ADAD1: variants seen among roughly 807,000 people sequenced by gnomAD.
ADAD1 encodes the protein adenosine deaminase domain containing 1.
ADAD1 carries 46 observed loss-of-function variants against 66.8 expected under a neutral mutation model. That is an observed-to-expected ratio of 0.69 (90% CI 0.54 to 0.88). The LOEUF (loss-of-function observed/expected upper bound fraction) is 0.88. ADAD1 is among the 40% of genes least tolerant of loss of function. The pLI, the probability that ADAD1 is intolerant of heterozygous loss-of-function variation, is 0.00. For synonymous variants in ADAD1, 248 were observed against 229.4 expected (o/e 1.08, Z -0.73); for missense variants, 617 against 681.8 (o/e 0.91, Z 1.06).
rs1796289860 is a variant in ADAD1, at chr4:122,407,912, A to G, written c.729A>G (p.Gly243=). The change falls in exon 8 of 13, where the codon GGA becomes GGG. Residue 243 remains glycine (G), a synonymous_variant. Transcript: ENST00000296513. ...CTGTCTACCTTTTTCTTTCAGCTGG[A>G]CAACATGAGGTTGTAGCTATAGGCA... ...SLAAFIIERA[G]QHEVVAIGTG... 6.2e-7 allele frequency: 1 copy of G among 1,612,696 alleles called. No homozygotes were observed. The highest frequency in any genetic ancestry group is 1.1e-5 in the South Asian group (1 of 90,800).
chr4:122,423,049 C>T (rs916600529), intron 12 of ADAD1, among the ~76,000 whole-genome samples: 5 of 151,620 alleles, frequency 3.3e-5, no homozygotes, highest in African/African-American at 1.2e-4. Context: ...ATGGCCTTGC[C>T]CAAGGCTTTT....
At position 122,429,662 on chromosome 4, in the gene ADAD1, T is replaced by C. The variant is rs764033872; in HGVS notation, c.1654T>C (p.Leu552=). Residue 552 remains leucine, a synonymous_variant, in exon 13 of 13, where the codon TTG becomes CTG. Transcript: ENST00000296513. ...CTCCTATCAAGAAGCTAAATGTAAG[T>C]TGAAATCCTACTTACAACAACATGG... ...SASYQEAKCK[L]KSYLQQHGYG... 6.2e-7 allele frequency: 1 copy of C among 1,613,560 alleles called. No homozygotes were observed. The highest frequency in any genetic ancestry group is 8.5e-7 in the Non-Finnish European group (1 of 1,179,662).
chr4:122,412,805 T>A lies in ADAD1; in HGVS notation c.1245T>A (p.Leu415=). 1 of 1,612,686 alleles carries A rather than the reference T, an allele frequency of 6.2e-7. No homozygotes were observed. The highest frequency in any genetic ancestry group is 8.5e-7 in the Non-Finnish European group (1 of 1,178,980). Residue 415 remains leucine (L), a synonymous_variant, in exon 10 of 13, where the codon CTT becomes CTA. Transcript: ENST00000296513. ...AGCCAGTTTACATCAGCAGTATACTTATTGGTGAGTGGGATTTCAGAACCT... is the reference window on the plus strand; with the variant it reads ...AGCCAGTTTACATCAGCAGTATACTAATTGGTGAGTGGGATTTCAGAACCT... The part of the protein sequence containing the change: ...FIQPVYISSI[L]IGDGNCSDTR...
At chr4:122,401,138 T>C (rs1033445231) in intron 7 of ADAD1, among the ~76,000 whole-genome samples, 1 of 152,112 alleles carries the variant, frequency 6.6e-6, no homozygotes. Flanking sequence ...AGGCATTTAA[T>C]GCTATGAACT....
chr4:122,429,513 AAAG>A, intron 12 of ADAD1, 110 bp from the exon 13 acceptor site: 1 of 613,186 alleles, frequency 1.6e-6, no homozygotes, highest in South Asian at 2.8e-5. Context: ...AGGAATTAAA[AAAG>A]ACTTTGATTA....
intron 8 of ADAD1, 82 bp downstream of exon 8, chr4:122,408,113 A>G: frequency 2.1e-6 from 3 of 1,400,202 alleles, no homozygotes; most frequent in Non-Finnish European, 1.9e-6. Flanking sequence ...TTCATTTACA[A>G]ATGGAATTTT....
Position 122,381,088 on chromosome 4 carries a change from A to G in ADAD1, c.269A>G (p.Tyr90Cys). The G allele has an allele frequency of 6.2e-7, 1 of 1,606,156 alleles. No homozygotes were observed. Among genetic ancestry groups the G allele is most frequent in the Non-Finnish European group, 8.5e-7 (1 of 1,178,552 alleles). Residue 90 changes from tyrosine (Y) to cysteine (C), a missense_variant, in exon 4 of 13, where the codon TAC (tyrosine) becomes TGC (cysteine). By Grantham distance (194) the Tyr-to-Cys change is radical. Transcript: ENST00000296513. The part of the protein sequence containing the change: ...KKIPKEFIMK[Y>C]KRGEINPVSA... ...ATACCTAAGGAATTTATAATGAAATACAAACGTGGAGAGATAAATCCTGTG... is the reference window on the plus strand; with the variant it reads ...ATACCTAAGGAATTTATAATGAAATGCAAACGTGGAGAGATAAATCCTGTG...
Position 122,415,521 on chromosome 4 carries a change from A to C in ADAD1, c.1392A>C (p.Gln464His), listed in dbSNP as rs777111131. 4 of 1,613,822 alleles carry C rather than the reference A, an allele frequency of 2.5e-6. No individual in the cohort carries two copies. In the African/African-American group the frequency reaches 4.0e-5, roughly 16 times the overall value. Residue 464 changes from glutamine to histidine, a missense_variant, in exon 11 of 13, where the codon CAA becomes CAC. Gln to His is a conservative substitution (Grantham distance 24). Transcript: ENST00000296513. ...ISLVPSAYPL[Q>H]MNLEYKFLSL... ...TAGTACCCTCTGCATATCCCCTTCAAATGAACTTGGAATATAAATTTCTGA... is the reference window on the plus strand; with the variant it reads ...TAGTACCCTCTGCATATCCCCTTCACATGAACTTGGAATATAAATTTCTGA...
chr4:122,426,234 C>T (rs1797229825), intron 12 of ADAD1, among the ~76,000 whole-genome samples: 1 of 152,068 alleles, frequency 6.6e-6, no homozygotes, highest in African/African-American at 2.4e-5. Context: ...TGTTTGTCAG[C>T]AGACACATTA....
At chr4:122,419,058 G>T (rs913553686) in intron 11 of ADAD1, among the ~76,000 whole-genome samples, 2 of 152,130 alleles carry the variant, frequency 1.3e-5, no homozygotes, top group African/African-American at 2.4e-5. Flanking sequence ...AAATCATTCT[G>T]TTATAAAGAC....
intron 10 of ADAD1, among the ~76,000 whole-genome samples, chr4:122,413,584 C>G (rs994790221): frequency 5.6e-4 from 85 of 151,940 alleles, no homozygotes; most frequent in African/African-American, 1.9e-3. Context: ...TATTTCCATC[C>G]AGAGGTCCTT....
chr4:122,389,578 C>G (rs1369830285), intron 5 of ADAD1, among the ~76,000 whole-genome samples: 1 of 152,192 alleles, frequency 6.6e-6, no homozygotes, highest in Non-Finnish European at 1.5e-5. Flanking sequence ...GTTAGCTCTT[C>G]TTGGTGAATT....
chr4:122,381,308 A>G (rs1794889455), intron 4 of ADAD1, 128 bp downstream of exon 4: 1 of 963,480 alleles, frequency 1.0e-6, no homozygotes, highest in Admixed American at 3.6e-5. Context: ...AAGAATACTT[A>G]AATGTTTATG....
chr4:122,413,115 A>G (rs560631044), intron 10 of ADAD1, among the ~76,000 whole-genome samples: 1 of 152,260 alleles, frequency 6.6e-6, no homozygotes, highest in East Asian at 1.9e-4. Flanking sequence ...TCAGAGACAC[A>G]GGGAAATGAG....
intron 5 of ADAD1, among the ~76,000 whole-genome samples, chr4:122,393,298 G>A (rs972044288): frequency 6.6e-6 from 1 of 151,978 alleles, no homozygotes; most frequent in African/African-American, 2.4e-5. Flanking sequence ...TTGTTTATAT[G>A]TATCTAAAAT....
intron 12 of ADAD1, among the ~76,000 whole-genome samples, chr4:122,427,390 T>C (rs1006170732): frequency 4.6e-5 from 7 of 152,130 alleles, no homozygotes; most frequent in Admixed American, 1.3e-4. Context: ...TCATCATGCA[T>C]TGGAAAACAG....
chr4:122,407,827 AATG>A, intron 7 of ADAD1, 78 bp from the exon 8 acceptor site: 1 of 1,374,918 alleles, frequency 7.3e-7, no homozygotes, highest in Non-Finnish European at 9.7e-7. Flanking sequence ...CTAAATTAAA[AATG>A]ATGAGATAGA....
chr4:122,419,642 G>GC (rs1796915690), intron 11 of ADAD1, among the ~76,000 whole-genome samples: 1 of 152,084 alleles, frequency 6.6e-6, no homozygotes, highest in African/African-American at 2.4e-5. Flanking sequence ...GAATTTAACA[G>GC]CACATTACAA....
intron 7 of ADAD1, among the ~76,000 whole-genome samples, chr4:122,398,404 A>G (rs1795816146): frequency 6.6e-6 from 1 of 151,806 alleles, no homozygotes; most frequent in African/African-American, 2.4e-5. Context: ...CTTGTTCCAT[A>G]TTTTTGCAGT....
Sources: allele counts gnomAD v4.1 joint callset (sites outside exome capture counted in the v4.1 genomes callset), GRCh38; gene constraint gnomAD v4.1.1; transcripts MANE v1.5; gene names NCBI Gene and HGNC (gene_info 2026-07-23, HGNC 2026-07-21).